Variants in GALNTL6 observed in about 807,000 individuals in gnomAD.
GALNTL6 encodes the protein polypeptide N-acetylgalactosaminyltransferase like 6, also known as polypeptide N-acetylgalactosaminyltransferase-like 6.
Under a neutral mutation model 73.7 loss-of-function variants are expected in GALNTL6, and 46 were observed. The ratio of observed to expected loss-of-function variants is 0.62; its 90% CI spans 0.49 to 0.80. GALNTL6 has a LOEUF of 0.80. GALNTL6 is among the 30% of genes least tolerant of loss of function. The probability of loss-of-function intolerance (pLI) is 0.00; values close to 1 mark genes in which losing one functional copy is unlikely to be tolerated. For synonymous variants in GALNTL6, 259 were observed against 263.7 expected (o/e 0.98, Z 0.17); for missense variants, 604 against 755.0 (o/e 0.80, Z 2.34).
intron 7 of GALNTL6, among the ~76,000 whole-genome samples, chr4:172,862,708 G>T (rs2111140553): frequency 1.1e-5 from 1 of 92,090 alleles, no homozygotes; most frequent in East Asian, 9.5e-4. Flanking sequence ...TCAAAAAAAA[G>T]AAAAAGAGAA....
intron 5 of GALNTL6, among the ~76,000 whole-genome samples, chr4:172,467,969 C>T (rs1732896314): frequency 6.7e-6 from 1 of 150,238 alleles, no homozygotes; most frequent in African/African-American, 2.4e-5. Context: ...TCATAGCTCA[C>T]TACAGCCTGG....
At chr4:172,843,392 C>T (rs1260890003) in intron 7 of GALNTL6, among the ~76,000 whole-genome samples, 2 of 152,282 alleles carry the variant, frequency 1.3e-5, no homozygotes, top group East Asian at 1.9e-4. Context: ...CTCTCATGAT[C>T]GACCCCTAAT....
At chr4:172,333,327 C>T (rs896695724) in intron 4 of GALNTL6, among the ~76,000 whole-genome samples, 3 of 152,144 alleles carry the variant, frequency 2.0e-5, no homozygotes, top group Non-Finnish European at 4.4e-5. Context: ...ATCGCTTGAA[C>T]CTGGGAGATG....
intron 2 of GALNTL6, among the ~76,000 whole-genome samples, chr4:171,933,725 T>C (rs1738258165): frequency 6.6e-6 from 1 of 152,132 alleles, no homozygotes; most frequent in African/African-American, 2.4e-5. Flanking sequence ...ATTTTTTTTC[T>C]CTTGTTATAA....
chr4:171,916,649 A>G (rs1737640495), intron 2 of GALNTL6, among the ~76,000 whole-genome samples: 1 of 152,128 alleles, frequency 6.6e-6, no homozygotes, highest in Admixed American at 6.6e-5. Context: ...GAGTTAATCT[A>G]TTCAGCGCTT....
chr4:171,973,802 A>C (rs1252071300), intron 2 of GALNTL6, among the ~76,000 whole-genome samples: 1 of 152,118 alleles, frequency 6.6e-6, no homozygotes, highest in East Asian at 1.9e-4. Flanking sequence ...CGTTATAGAG[A>C]CATGTGTTTG....
intron 10 of GALNTL6, among the ~76,000 whole-genome samples, chr4:172,959,139 T>G (rs1213201703): frequency 6.6e-6 from 1 of 151,886 alleles, no homozygotes; most frequent in Admixed American, 6.6e-5. Context: ...GTAAGGGTGA[T>G]TAGGTTTTAA....
chr4:172,732,935 T>G, intron 5 of GALNTL6, among the ~76,000 whole-genome samples: 2 of 152,328 alleles, frequency 1.3e-5, no homozygotes, highest in South Asian at 4.1e-4. Context: ...GCCATGCTAT[T>G]TTTGTTTTTG....
intron 2 of GALNTL6, among the ~76,000 whole-genome samples, chr4:172,139,160 G>T (rs1412520893): frequency 6.6e-6 from 1 of 152,074 alleles, no homozygotes; most frequent in Non-Finnish European, 1.5e-5. Context: ...GTGGAGAAAA[G>T]TATATAAGTT....
rs542050228 is a variant in GALNTL6, at chr4:171,886,073, T to C, written c.138+71355T>C. ...ACCATCTCTTTTTAACCACATAAAG[T>C]TGCTAAAGGATAAAATATCTACATA... On this transcript the variant is annotated intron_variant, in intron 2 of 12. Coordinates refer to ENST00000506823, the MANE Select transcript of GALNTL6 (RefSeq NM_001034845.3). 2.0e-5 allele frequency among the ~76,000 whole-genome samples: 3 copies of C among 152,136 alleles called. No homozygotes were observed. The South Asian group carries it at 6.2e-4, about 31-fold the overall frequency.
At chr4:172,984,955 A>G (rs1431275671) in intron 10 of GALNTL6, among the ~76,000 whole-genome samples, 1 of 152,170 alleles carries the variant, frequency 6.6e-6, no homozygotes, top group Non-Finnish European at 1.5e-5. Flanking sequence ...TAACCCTAAC[A>G]AAAAAGAACC....
At chr4:172,968,006 A>T (rs1222263451) in intron 10 of GALNTL6, among the ~76,000 whole-genome samples, 2 of 152,194 alleles carry the variant, frequency 1.3e-5, no homozygotes, top group Admixed American at 1.3e-4. Context: ...CTGATGCTAA[A>T]AGCATGGCAA....
chr4:172,653,637 C>A (rs996761696), intron 5 of GALNTL6, among the ~76,000 whole-genome samples: 1 of 152,182 alleles, frequency 6.6e-6, no homozygotes. Flanking sequence ...ATCTTCCCCC[C>A]AACAGACATA....
chr4:172,258,691 A>C (rs1163596868), intron 3 of GALNTL6, among the ~76,000 whole-genome samples: 1 of 151,242 alleles, frequency 6.6e-6, no homozygotes, highest in Admixed American at 6.6e-5. Context: ...ATTTTGGTGC[A>C]CGCATCACCT....
At chr4:172,117,152 A>C (rs987346951) in intron 2 of GALNTL6, among the ~76,000 whole-genome samples, 1 of 152,190 alleles carries the variant, frequency 6.6e-6, no homozygotes, top group Non-Finnish European at 1.5e-5. Context: ...CAACGTAATA[A>C]ACTATCACAC....
chr4:172,965,618 TAAA>T (rs201329280), intron 10 of GALNTL6, among the ~76,000 whole-genome samples: 18,955 of 138,710 alleles, frequency 0.14, 1,255 homozygotes, highest in Non-Finnish European at 0.16. Context: ...AAGTAAAAAT[TAAA>T]AAAAAAAAAA....
Position 172,401,502 on chromosome 4 carries a change from C to T in GALNTL6, c.553+52813C>T, listed in dbSNP as rs571229540. 7.2e-5 allele frequency among the ~76,000 whole-genome samples: 11 copies of T among 152,090 alleles called. No homozygotes were observed. In the South Asian group the frequency reaches 2.3e-3, roughly 32 times the overall value. On this transcript the variant is annotated intron_variant, in intron 5 of 12. Transcript: ENST00000506823. Reference sequence around the variant, plus strand: ...TTTTAACCTTCTAAAGGATTTATGTCTCACCATAAAAAATTTCCCAGTCAC... The same window carrying T: ...TTTTAACCTTCTAAAGGATTTATGTTTCACCATAAAAAATTTCCCAGTCAC...
At chr4:172,667,225 T>G (rs557753601) in intron 5 of GALNTL6, 1 of 152,188 alleles carries the variant, frequency 6.6e-6, no homozygotes, top group Admixed American at 6.5e-5. Context: ...CTGAAACTAT[T>G]GCACTCTCCT....
chr4:172,580,119 C>G (rs895007946), intron 5 of GALNTL6, among the ~76,000 whole-genome samples: 2 of 152,064 alleles, frequency 1.3e-5, no homozygotes, highest in Non-Finnish European at 2.9e-5. Context: ...TCAAATAAAT[C>G]TGACAAATAT....
Sources: allele counts gnomAD v4.1 joint callset (sites outside exome capture counted in the v4.1 genomes callset), GRCh38; gene constraint gnomAD v4.1.1; transcripts MANE v1.5; gene names NCBI Gene and HGNC (gene_info 2026-07-23, HGNC 2026-07-21).